CDC14A: variants seen among roughly 807,000 people sequenced by gnomAD.
The protein encoded by CDC14A is dual specificity protein phosphatase CDC14A.
CDC14A carries 53 observed loss-of-function variants against 74.4 expected under a neutral mutation model. The ratio of observed to expected loss-of-function variants is 0.71; its 90% CI spans 0.57 to 0.89. CDC14A has a LOEUF of 0.89. CDC14A is among the 40% of genes least tolerant of loss of function. The pLI, the probability that CDC14A is intolerant of heterozygous loss-of-function variation, is 0.00. For missense variants in CDC14A, 646 were observed against 713.7 expected (o/e 0.91, Z 1.08); for synonymous variants, 247 against 258.4 (o/e 0.96, Z 0.43).
At chr1:100,463,410 A>G (rs2101226335) in intron 9 of CDC14A, among the ~76,000 whole-genome samples, 1 of 152,268 alleles carries the variant, frequency 6.6e-6, no homozygotes, top group East Asian at 1.9e-4. Flanking sequence ...GCAATCCGCT[A>G]GCTTACAATG....
At chr1:100,488,439 G>T (rs1168358128) in intron 11 of CDC14A, among the ~76,000 whole-genome samples, 2 of 152,130 alleles carry the variant, frequency 1.3e-5, no homozygotes. Context: ...CCTCCCGGGA[G>T]GCCTCTCACT....
rs1650495448 is a variant in CDC14A at position 100,519,259 on chromosome 1, T to G, written c.*979T>G. 1 of 152,102 alleles carries G rather than the reference T, an allele frequency of 6.6e-6. No homozygotes were observed. The highest frequency in any genetic ancestry group is 2.4e-5 in the African/African-American group (1 of 41,428). 9.4% of individuals were successfully genotyped at this position (152,102 alleles called of 1,614,324 possible). On this transcript the variant is annotated 3_prime_UTR_variant, in exon 16 of 16. Transcript: ENST00000336454. ...GGAGAGAAAAAACTGAAAAAGATGC[T>G]GCTAAGTAGTTCTCTGTATTAAAGG...
Position 100,352,890 on chromosome 1 carries a change from C to T in CDC14A, c.-65C>T. 2 of 1,610,394 alleles carry T rather than the reference C, an allele frequency of 1.2e-6. No homozygotes were observed. Among genetic ancestry groups the T allele is most frequent in the Non-Finnish European group, 1.7e-6 (2 of 1,178,872 alleles). On this transcript the variant is annotated 5_prime_UTR_variant, in exon 1 of 16. Transcript: ENST00000336454. Reference sequence around the variant, plus strand: ...TCCTGGCTCCTGGGCAGTGGGGAAGCCCCCGGGGGCGAGTGACTTCAGCTG... The same window carrying T: ...TCCTGGCTCCTGGGCAGTGGGGAAGTCCCCGGGGGCGAGTGACTTCAGCTG...
At chr1:100,443,316 A>G (rs548822042) in intron 7 of CDC14A, among the ~76,000 whole-genome samples, 16 of 152,236 alleles carry the variant, frequency 1.1e-4, no homozygotes, top group African/African-American at 2.4e-4. Context: ...TTTATTTAAA[A>G]TAAAACTGAA....
chr1:100,393,263 A>T, intron 4 of CDC14A: 1 of 1,396,542 alleles, frequency 7.2e-7, no homozygotes, highest in East Asian at 2.3e-5. Flanking sequence ...CTTTCTGTGC[A>T]TGTTCAATCA....
chr1:100,447,701 T>G (rs1033231495), intron 7 of CDC14A, among the ~76,000 whole-genome samples: 1 of 152,194 alleles, frequency 6.6e-6, no homozygotes, highest in Non-Finnish European at 1.5e-5. Flanking sequence ...GCTGTAGGTA[T>G]GTGAGGAACT....
intron 2 of CDC14A, 32 bp downstream of exon 2, chr1:100,353,884 G>A: frequency 7.7e-7 from 1 of 1,298,322 alleles, no homozygotes. Context: ...TTTTCTCTTG[G>A]CCATTCAGCT....
At chr1:100,423,499 C>T (rs1462307501) in intron 4 of CDC14A, among the ~76,000 whole-genome samples, 1 of 152,128 alleles carries the variant, frequency 6.6e-6, no homozygotes, top group African/African-American at 2.4e-5. Context: ...AGCATAAATT[C>T]TATTAAGGGA....
intron 5 of CDC14A, among the ~76,000 whole-genome samples, chr1:100,426,958 T>C (rs535524614): frequency 6.6e-6 from 1 of 152,322 alleles, no homozygotes; most frequent in South Asian, 2.1e-4. Context: ...ATACTACTAG[T>C]TTTCTGGAAA....
At chr1:100,379,868 G>C (rs1655828252) in intron 3 of CDC14A, among the ~76,000 whole-genome samples, 1 of 151,946 alleles carries the variant, frequency 6.6e-6, no homozygotes, top group South Asian at 2.1e-4. Context: ...GGAGGGAGGT[G>C]CCACACTCTT....
At chr1:100,404,646 T>C (rs894193797) in intron 4 of CDC14A, among the ~76,000 whole-genome samples, 2 of 151,942 alleles carry the variant, frequency 1.3e-5, no homozygotes, top group Non-Finnish European at 2.9e-5. Context: ...CTGGCTAACA[T>C]GGTGAAACCC....
At chr1:100,378,888 A>G (rs967025428) in intron 3 of CDC14A, among the ~76,000 whole-genome samples, 19 of 152,226 alleles carry the variant, frequency 1.2e-4, no homozygotes, top group African/African-American at 4.3e-4. Context: ...GTATTTTAGA[A>G]AGTAAAATAG....
At chr1:100,365,846 T>A (rs1653512593) in intron 2 of CDC14A, among the ~76,000 whole-genome samples, 1 of 152,068 alleles carries the variant, frequency 6.6e-6, no homozygotes, top group Admixed American at 6.5e-5. Flanking sequence ...AACTTTATCA[T>A]CTGACTGGAG....
In CDC14A at chr1:100,360,435, C is replaced by CG. The variant is rs372564853; in HGVS notation, c.140+6587dup. Among the ~76,000 whole-genome samples the CG allele has an allele frequency of 4.9e-3, 743 of 152,104 alleles. 6 individuals carry two copies. The highest frequency in any genetic ancestry group is 0.017 in the African/African-American group (711 of 41,486). ...CTCGGCTCACTGCAACCTCCACCTC[C>CG]GGGGTTCAAGCAATTCTCCCACCTC... On this transcript the variant is annotated intron_variant, in intron 2 of 15. Transcript: ENST00000336454.
At position 100,439,968 on chromosome 1, in the gene CDC14A, C is replaced by T. The variant is rs1033208092; in HGVS notation, c.426C>T (p.Thr142=). ...ASFGNCTYNL[T]ILDCLQGIRK... is the part of the protein sequence containing the mutation. ...TTGGAAATTGCACTTACAATCTCAC[C>T]ATTCTCGACTGTTTGCAGGGAATCA... is the stretch of plus-strand genomic sequence containing the variant. Residue 142 remains threonine, a synonymous_variant, in exon 6 of 16, where the codon ACC becomes ACT. Transcript: ENST00000336454. 4 of 1,613,070 alleles carry T rather than the reference C, an allele frequency of 2.5e-6. No homozygotes were observed. Among genetic ancestry groups the T allele is most frequent in the Admixed American group, 1.7e-5 (1 of 59,992 alleles).
At chr1:100,377,643 A>G (rs774278888) in intron 3 of CDC14A, 22 bp downstream of exon 3, 13 of 1,552,568 alleles carry the variant, frequency 8.4e-6, no homozygotes, top group Non-Finnish European at 1.1e-5. Flanking sequence ...AGTGATATTT[A>G]TAATTTGGAA....
intron 2 of CDC14A, among the ~76,000 whole-genome samples, chr1:100,364,830 G>C (rs188923910): frequency 3.3e-5 from 5 of 152,290 alleles, no homozygotes; most frequent in Admixed American, 1.3e-4. Flanking sequence ...CTTCTCTAAC[G>C]AGGGATGTTA....
intron 11 of CDC14A, among the ~76,000 whole-genome samples, chr1:100,487,572 G>GAAACAC (rs3081857): frequency 2.0e-5 from 3 of 150,974 alleles, no homozygotes; most frequent in Non-Finnish European, 4.4e-5. Flanking sequence ...AAACAAAACA[G>GAAACAC]AACAAAACAA....
chr1:100,351,320 T>C (rs1483924923), upstream of CDC14A, among the ~76,000 whole-genome samples: 6 of 152,142 alleles, frequency 3.9e-5, no homozygotes, highest in Non-Finnish European at 8.8e-5. Context: ...AACAAGCGAC[T>C]GCGAAGGAAA....
Sources: gnomAD v4.1 joint callset for allele counts (sites outside exome capture counted in the v4.1 genomes callset) on GRCh38, gnomAD v4.1.1 for gene constraint, MANE v1.5 for transcripts, NCBI Gene and HGNC (gene_info 2026-07-23, HGNC 2026-07-21) for gene names.